CFAP20DC: variants seen among roughly 807,000 people sequenced by gnomAD.
CFAP20DC encodes the protein protein CFAP20DC.
In CFAP20DC, 84 loss-of-function variants were observed where a neutral mutation model predicts 101.7. That is an observed-to-expected ratio of 0.83 (90% CI 0.69 to 0.99). The LOEUF (loss-of-function observed/expected upper bound fraction) is 0.99. Ranked by LOEUF, CFAP20DC falls within the 50% of genes least tolerant of loss-of-function variation. CFAP20DC has a pLI of 0.00. For synonymous variants in CFAP20DC, 359 were observed against 351.2 expected, an observed-to-expected ratio of 1.02 and a Z score of -0.25; for missense variants, 1,007 against 970.3, an observed-to-expected ratio of 1.04 and a Z score of -0.50.
intron 12 of CFAP20DC, among the ~76,000 whole-genome samples, chr3:58,852,786 C>A (rs561597269): frequency 6.6e-6 from 1 of 151,016 alleles, no homozygotes; most frequent in Non-Finnish European, 1.5e-5. Flanking sequence ...TTGAAACCAA[C>A]GAGAACAAAG....
chr3:58,796,683 T>G (rs1162512959), intron 15 of CFAP20DC, among the ~76,000 whole-genome samples: 4 of 152,102 alleles, frequency 2.6e-5, no homozygotes, highest in Admixed American at 2.6e-4. Flanking sequence ...CAGGCATGCC[T>G]TGTTTTATTG....
intron 7 of CFAP20DC, among the ~76,000 whole-genome samples, chr3:58,875,898 T>A (rs1034668241): frequency 1.3e-5 from 2 of 152,192 alleles, no homozygotes; most frequent in African/African-American, 4.8e-5. Context: ...TTCAAATTTC[T>A]TAGAGGAATC....
intron 13 of CFAP20DC, among the ~76,000 whole-genome samples, chr3:58,837,981 AC>A (rs938986648): frequency 3.3e-5 from 5 of 152,040 alleles, no homozygotes; most frequent in African/African-American, 1.2e-4. Flanking sequence ...ATTCCTGAAA[AC>A]TTGTTTCAGA....
At chr3:59,031,931 G>A (rs1206235462) in intron 4 of CFAP20DC, among the ~76,000 whole-genome samples, 1 of 152,116 alleles carries the variant, frequency 6.6e-6, no homozygotes, top group Non-Finnish European at 1.5e-5. Flanking sequence ...GAACAGCTCT[G>A]GTCTGCAGCT....
intron 4 of CFAP20DC, among the ~76,000 whole-genome samples, chr3:58,948,649 A>C (rs2089680165): frequency 6.6e-6 from 1 of 152,322 alleles, no homozygotes; most frequent in East Asian, 1.9e-4. Flanking sequence ...CCACTTGATC[A>C]TGGTGGATAA....
intron 15 of CFAP20DC, among the ~76,000 whole-genome samples, chr3:58,754,880 T>C (rs1338035553): frequency 6.6e-6 from 1 of 152,150 alleles, no homozygotes; most frequent in Non-Finnish European, 1.5e-5. Flanking sequence ...GTGTTAGGAT[T>C]AAACAGAAAC....
intron 15 of CFAP20DC, among the ~76,000 whole-genome samples, chr3:58,770,853 G>A (rs2070777647): frequency 6.6e-6 from 1 of 152,148 alleles, no homozygotes; most frequent in African/African-American, 2.4e-5. Context: ...TCAGTTAGGT[G>A]CTTGTTTTTG....
At chr3:58,990,030 T>A (rs929344389) in intron 4 of CFAP20DC, among the ~76,000 whole-genome samples, 1 of 152,138 alleles carries the variant, frequency 6.6e-6, no homozygotes, top group Non-Finnish European at 1.5e-5. Context: ...TGGAATTAAA[T>A]GCCTAAGAGG....
intron 15 of CFAP20DC, among the ~76,000 whole-genome samples, chr3:58,784,815 T>C (rs868481280): frequency 2.6e-5 from 4 of 152,086 alleles, no homozygotes; most frequent in South Asian, 2.1e-4. Flanking sequence ...AGGGAAGTCT[T>C]ATAAACTGTT....
chr3:58,766,940 G>A lies in CFAP20DC; in HGVS notation c.2238-13077C>T, dbSNP rs572339666. Among the ~76,000 whole-genome samples the A allele has an allele frequency of 7.2e-5, 11 of 152,184 alleles. No individual in the cohort carries two copies. In the East Asian group the frequency reaches 1.2e-3, roughly 16 times the overall value. On this transcript the variant is annotated intron_variant, in intron 15 of 16. Transcript: ENST00000482387. ...CTGACATCCCCTCTTCAATCTAGTC[G>A]AGCTCCTTTCACTCCTTCTTTTAGA...
At chr3:58,968,384 C>T (rs1029863826) in intron 4 of CFAP20DC, among the ~76,000 whole-genome samples, 1 of 152,028 alleles carries the variant, frequency 6.6e-6, no homozygotes, top group Non-Finnish European at 1.5e-5. Context: ...ACTTTTTTTA[C>T]TTTTTAACAA....
intron 6 of CFAP20DC, among the ~76,000 whole-genome samples, chr3:58,898,657 A>G (rs950943678): frequency 2.6e-5 from 4 of 152,078 alleles, no homozygotes; most frequent in Non-Finnish European, 5.9e-5. Context: ...AAAGTTCGTT[A>G]TTACCCACCT....
chr3:59,009,581 C>T (rs2093532169), intron 4 of CFAP20DC, among the ~76,000 whole-genome samples: 1 of 151,996 alleles, frequency 6.6e-6, no homozygotes, highest in African/African-American at 2.4e-5. Flanking sequence ...TTATGTTAAA[C>T]AGCCAAACAG....
At chr3:58,758,377 G>A (rs1348596392) in intron 15 of CFAP20DC, among the ~76,000 whole-genome samples, 1 of 151,922 alleles carries the variant, frequency 6.6e-6, no homozygotes, top group East Asian at 1.9e-4. Flanking sequence ...TTCACCACAT[G>A]CCAGTCTTAG....
At chr3:58,805,537 A>G (rs2073993188) in intron 15 of CFAP20DC, among the ~76,000 whole-genome samples, 1 of 152,228 alleles carries the variant, frequency 6.6e-6, no homozygotes, top group Admixed American at 6.5e-5. Flanking sequence ...TTCAGACACC[A>G]TGCAATAGTT....
chr3:58,919,027 C>T lies in CFAP20DC; in HGVS notation c.394-5163G>A, dbSNP rs550430583. Among the ~76,000 whole-genome samples the T allele has an allele frequency of 7.2e-5, 11 of 152,272 alleles. No homozygotes were observed. The South Asian group carries it at 1.9e-3, about 26-fold the overall frequency. ...AATTAGTTTTGACCACATCATACTC[C>T]TGCATACCACCACCCATCAAGACAT... On this transcript the variant is annotated intron_variant, in intron 5 of 16. Coordinates refer to ENST00000482387, the MANE Select transcript of CFAP20DC (RefSeq NM_001394063.1).
intron 14 of CFAP20DC, among the ~76,000 whole-genome samples, chr3:58,811,991 A>G (rs1320110683): frequency 6.6e-6 from 1 of 152,194 alleles, no homozygotes; most frequent in East Asian, 1.9e-4. Flanking sequence ...AATGCAAATC[A>G]AAACCACAAT....
At chr3:58,735,469 G>A (rs866756950) in intron 3 of CFAP20DC, among the ~76,000 whole-genome samples, 10 of 152,296 alleles carry the variant, frequency 6.6e-5, no homozygotes, top group Middle Eastern at 6.8e-3. Flanking sequence ...ACTCTCAAAC[G>A]TCACTGCTAC....
chr3:58,758,308 T>C (rs1023054342), intron 15 of CFAP20DC, among the ~76,000 whole-genome samples: 3 of 152,158 alleles, frequency 2.0e-5, no homozygotes, highest in Admixed American at 6.6e-5. Context: ...TAAACCTCCA[T>C]GCTTTCCCCT....
Sources: allele counts gnomAD v4.1 joint callset (sites outside exome capture counted in the v4.1 genomes callset), GRCh38; gene constraint gnomAD v4.1.1; transcripts MANE v1.5; gene names NCBI Gene and HGNC (gene_info 2026-07-23, HGNC 2026-07-21).